Variants in CRYBG2 observed in about 807,000 individuals in gnomAD.
CRYBG2 encodes beta/gamma crystallin domain-containing protein 2.
Under a neutral mutation model 153.4 loss-of-function variants are expected in CRYBG2, and 106 were observed. The observed-to-expected ratio is 0.69, with a 90% CI of 0.59 to 0.81. CRYBG2 has a LOEUF of 0.81. Ranked by LOEUF, CRYBG2 falls within the 30% of genes least tolerant of loss-of-function variation. CRYBG2 has a pLI of 0.00. For synonymous variants in CRYBG2, 851 were observed against 877.8 expected, an observed-to-expected ratio of 0.97 and a Z score of 0.54; for missense variants, 1,996 against 2,112.0, an observed-to-expected ratio of 0.95 and a Z score of 1.08.
rs575148623 is a variant in CRYBG2 at position 26,336,071 on chromosome 1, C to G, written c.4184+24G>C. On this transcript the variant is annotated intron_variant, in intron 14 of 19. Transcript: ENST00000308182. The surrounding 1 kb of genome is among the most constrained non-coding windows in gnomAD (Gnocchi z 4.9). ...CCCGCCTCTGCCCCAGCGCCCCCAG[C>G]CCTCCGCCCCTCCACGTTCTCACCT... 26 of 1,435,994 alleles carry G rather than the reference C, an allele frequency of 1.8e-5. No homozygotes were observed. The highest frequency in any genetic ancestry group is 2.2e-5 in the Non-Finnish European group (24 of 1,084,748). 89.0% of individuals were successfully genotyped at this position (1,435,994 alleles called of 1,614,324 possible). A position where few individuals can be genotyped will look rare whatever the true frequency, so the allele number is the denominator to read the frequency against.
In CRYBG2 at chr1:26,338,471, T is replaced by TAGC; in HGVS notation, c.3348_3350dup (p.Leu1118dup). On this transcript the variant is annotated inframe_insertion, in exon 7 of 20. Transcript: ENST00000308182. ...CTTCGAATAATGGTTTGGGGTACAG[T>TAGC]AGCCACCTAGGGGAAACAGAGAGGC... is the stretch of plus-strand genomic sequence containing the variant. 6.2e-7 allele frequency: 1 copy of TAGC among 1,606,608 alleles called. No homozygotes were observed. Among genetic ancestry groups the TAGC allele is most frequent in the Non-Finnish European group, 8.5e-7 (1 of 1,176,778 alleles).
chr1:26,353,262 C>G (rs1034503469), intron 1 of CRYBG2, among the ~76,000 whole-genome samples: 1 of 152,100 alleles, frequency 6.6e-6, no homozygotes, highest in African/African-American at 2.4e-5. Flanking sequence ...GCTTAGAAAA[C>G]AAATTGCAAA....
At chr1:26,324,430 C>A in intron 17 of CRYBG2, 120 bp from the exon 18 acceptor site, 1 of 1,086,698 alleles carries the variant, frequency 9.2e-7, no homozygotes. Flanking sequence ...TGTCCCCAAA[C>A]CTTCCTTGAC....
chr1:26,352,618 G>A (rs2074298433), intron 1 of CRYBG2, among the ~76,000 whole-genome samples: 1 of 152,130 alleles, frequency 6.6e-6, no homozygotes, highest in African/African-American at 2.4e-5. Context: ...ATAGAAGGAT[G>A]ATGTTTCTGG....
At chr1:26,335,277 C>T (rs867081565) in intron 14 of CRYBG2, among the ~76,000 whole-genome samples, 2 of 149,920 alleles carry the variant, frequency 1.3e-5, no homozygotes, top group South Asian at 4.2e-4. Context: ...GGGAATTCAA[C>T]ACCAGCCTAA....
intron 17 of CRYBG2, chr1:26,324,812 C>G (rs1414576497): frequency 1.3e-5 from 2 of 152,214 alleles, no homozygotes; most frequent in Admixed American, 1.3e-4. Context: ...GGGTTCCTGA[C>G]GGGATGGACA....
At chr1:26,326,230 A>G (rs1557702527) in intron 17 of CRYBG2, among the ~76,000 whole-genome samples, 1 of 152,048 alleles carries the variant, frequency 6.6e-6, no homozygotes, top group Non-Finnish European at 1.5e-5. Context: ...CAATGTATTT[A>G]TTACATCTAT....
chr1:26,325,781 T>A lies in CRYBG2; in HGVS notation c.4579-1471A>T, dbSNP rs2073917669. On this transcript the variant is annotated intron_variant, in intron 17 of 19. Transcript: ENST00000308182. The surrounding 1 kb of genome is among the most constrained non-coding windows in gnomAD (Gnocchi z 4.1). The stretch of plus-strand genomic sequence containing the variant: ...TTTATCTGCACATGTGCATTAATGA[T>A]ACTGATGTTCAGACATGCAGGCACG... Among the ~76,000 whole-genome samples, 1 of 152,130 alleles carries A rather than the reference T, an allele frequency of 6.6e-6. No homozygotes were observed. Among genetic ancestry groups the A allele is most frequent in the South Asian group, 2.1e-4 (1 of 4,832 alleles).
chr1:26,328,372 GACAC>G (rs1253798966), intron 16 of CRYBG2, 40 bp from the exon 17 acceptor site: 2 of 1,551,724 alleles, frequency 1.3e-6, no homozygotes, highest in African/African-American at 1.4e-5. Flanking sequence ...GAAGAGCACA[GACAC>G]ACAGACAGAC....
intron 1 of CRYBG2, among the ~76,000 whole-genome samples, chr1:26,351,003 GC>G (rs2074280415): frequency 1.3e-5 from 2 of 152,176 alleles, no homozygotes; most frequent in African/African-American, 4.8e-5. Flanking sequence ...AGAGACTGAA[GC>G]CCCGGGAAGC....
In CRYBG2 at chr1:26,344,954, C is replaced by A; in HGVS notation, c.1704G>T (p.Gly568=). The part of the protein sequence containing the change: ...SSPTQKEVVQ[G]SGAPAALSTT... Reference sequence around the variant, plus strand: ...TGGACAAGGCAGCAGGAGCACCAGACCCCTGCACCACCTCCTTCTGGGTGG... The same window carrying A: ...TGGACAAGGCAGCAGGAGCACCAGAACCCTGCACCACCTCCTTCTGGGTGG... Residue 568 remains glycine, a synonymous_variant, in exon 2 of 20, where the codon GGG becomes GGT. Coordinates refer to ENST00000308182, the MANE Select transcript of CRYBG2 (RefSeq NM_001039775.4). 4.6e-6 allele frequency: 7 copies of A among 1,532,096 alleles called. No homozygotes were observed. The highest frequency in any genetic ancestry group is 6.1e-6 in the Non-Finnish European group (7 of 1,146,310). The allele number at this position is 1,532,096 out of a possible 1,614,324, so 94.9% of individuals were successfully genotyped here.
chr1:26,342,986 A>G, intron 4 of CRYBG2, 61 bp downstream of exon 4: 1 of 1,538,436 alleles, frequency 6.5e-7, no homozygotes, highest in Non-Finnish European at 8.8e-7. Context: ...GTCACTCCTC[A>G]CTCCCCTCTG....
Position 26,344,933 on chromosome 1 carries a change from C to T in CRYBG2, c.1725G>A (p.Leu575=). The change falls in exon 2 of 20, where the codon TTG becomes TTA. Residue 575 remains leucine, a synonymous_variant. Coordinates refer to ENST00000308182, the MANE Select transcript of CRYBG2 (RefSeq NM_001039775.4). The stretch of plus-strand genomic sequence containing the variant: ...TCACAACCTCTTTTGGGGTGGTGGA[C>T]AAGGCAGCAGGAGCACCAGACCCCT... ...VVQGSGAPAA[L]STTPKEVVKG... is the part of the protein sequence containing the mutation. The T allele has an allele frequency of 2.6e-6, 4 of 1,534,306 alleles. No individual in the cohort carries two copies. The highest frequency in any genetic ancestry group is 3.5e-6 in the Non-Finnish European group (4 of 1,148,012).
chr1:26,327,325 G>A (rs562202223), intron 17 of CRYBG2, among the ~76,000 whole-genome samples: 168 of 152,118 alleles, frequency 1.1e-3, no homozygotes, highest in South Asian at 3.5e-3. Context: ...AAAATTAGCC[G>A]GGTGTGGTGG....
Position 26,325,220 on chromosome 1 carries a change from C to G in CRYBG2, c.4579-910G>C, listed in dbSNP as rs998217538. 5.3e-5 allele frequency: 8 copies of G among 152,198 alleles called. No homozygotes were observed. Among genetic ancestry groups the G allele is most frequent in the Non-Finnish European group, 1.0e-4 (7 of 68,032 alleles). The allele number at this position is 152,198 out of a possible 1,614,324, so 9.4% of individuals were successfully genotyped here. A position where few individuals can be genotyped will look rare whatever the true frequency, so the allele number is the denominator to read the frequency against. On this transcript the variant is annotated intron_variant, in intron 17 of 19. Transcript: ENST00000308182. This position sits in a 1 kb window ranked among gnomAD's most constrained non-coding sequence, Gnocchi z 4.1. ...ACACAAATATCCTTATACAAAGATA[C>G]ACACACTGTCAATGGTGTCACAAGT...
In CRYBG2 at chr1:26,342,073, GA is replaced by G. The variant is rs551999470; in HGVS notation, c.3204+680del. Among the ~76,000 whole-genome samples, 6 of 152,310 alleles carry G rather than the reference GA, an allele frequency of 3.9e-5. No homozygotes were observed. The East Asian group carries it at 1.2e-3, about 29-fold the overall frequency. ...CCGGTGCCTGGCACATATTAGACAT[GA>G]GTGAGCATCTGTGAGCAAATGAATG... On this transcript the variant is annotated intron_variant, in intron 5 of 19. Coordinates refer to ENST00000308182, the MANE Select transcript of CRYBG2 (RefSeq NM_001039775.4).
intron 1 of CRYBG2, among the ~76,000 whole-genome samples, chr1:26,351,093 T>G (rs190387467): frequency 1.3e-5 from 2 of 152,186 alleles, no homozygotes; most frequent in African/African-American, 4.8e-5. Flanking sequence ...GTGGAGGGGT[T>G]AGGTAGAGCC....
Position 26,342,773 on chromosome 1 carries a change from G to C in CRYBG2, c.3185C>G (p.Ser1062Cys). 6.2e-7 allele frequency: 1 copy of C among 1,613,862 alleles called. No individual in the cohort carries two copies. Among genetic ancestry groups the C allele is most frequent in the Non-Finnish European group, 8.5e-7 (1 of 1,180,006 alleles). ...ACTCACCCAGACAACCCTCCTTAGGGAGCCGATGCCTTGGGGACTCCACTT... is the reference window on the plus strand; with the variant it reads ...ACTCACCCAGACAACCCTCCTTAGGCAGCCGATGCCTTGGGGACTCCACTT... Reference protein sequence around the residue: ...GTKWSPQGIGSLRRVVWDYST... With the variant: ...GTKWSPQGIGCLRRVVWDYST... The change falls in exon 5 of 20, where the codon TCC (serine) becomes TGC (cysteine). Residue 1062 changes from serine (S) to cysteine (C), a missense_variant. By Grantham distance (112) the Ser-to-Cys change is moderately radical. Transcript: ENST00000308182.
intron 6 of CRYBG2, among the ~76,000 whole-genome samples, chr1:26,339,054 G>A (rs1216423703): frequency 6.6e-6 from 1 of 152,200 alleles, no homozygotes; most frequent in East Asian, 1.9e-4. Flanking sequence ...TCCCAGCATG[G>A]TGTCTCCTCC....
Sources: allele counts gnomAD v4.1 joint callset (sites outside exome capture counted in the v4.1 genomes callset), GRCh38; gene constraint gnomAD v4.1.1; non-coding constraint Gnocchi (gnomAD v3.1); transcripts MANE v1.5; gene names NCBI Gene and HGNC (gene_info 2026-07-23, HGNC 2026-07-21).